The following ZBTB20 variants were observed in gnomAD, a reference collection of about 807,000 sequenced individuals.
ZBTB20 encodes zinc finger and BTB domain-containing protein 20.
Under a neutral mutation model 56.9 loss-of-function variants are expected in ZBTB20, and 9 were observed. The observed-to-expected ratio is 0.16, with a 90% CI of 0.10 to 0.28. ZBTB20 has a LOEUF of 0.28. ZBTB20 is among the 10% of genes least tolerant of loss of function. The pLI, the probability that ZBTB20 is intolerant of heterozygous loss-of-function variation, is 1.00. For synonymous variants in ZBTB20, 417 were observed against 420.7 expected (o/e 0.99, Z 0.11); for missense variants, 655 against 1,003.0 (o/e 0.65, Z 4.69).
intron 7 of ZBTB20, among the ~76,000 whole-genome samples, chr3:114,495,957 T>A (rs539108871): frequency 6.6e-6 from 1 of 152,216 alleles, no homozygotes; most frequent in Non-Finnish European, 1.5e-5. Context: ...GCACCTTTAA[T>A]GTAATTTCCT....
At chr3:114,544,497 C>CA (rs2049602488) in intron 6 of ZBTB20, among the ~76,000 whole-genome samples, 19 of 94,390 alleles carry the variant, frequency 2.0e-4, no homozygotes, top group South Asian at 3.8e-4. Context: ...CACTTTCTTT[C>CA]TTTTCTTTCT....
intron 5 of ZBTB20, among the ~76,000 whole-genome samples, chr3:114,761,350 C>G (rs911285770): frequency 6.6e-6 from 1 of 152,032 alleles, no homozygotes; most frequent in Non-Finnish European, 1.5e-5. Flanking sequence ...TTAATTCCCA[C>G]AGTAACATTA....
intron 5 of ZBTB20, among the ~76,000 whole-genome samples, chr3:114,720,304 G>A (rs946778874): frequency 1.3e-5 from 2 of 150,714 alleles, no homozygotes; most frequent in East Asian, 1.9e-4. Context: ...ATGACACCTC[G>A]TACTTGTAAA....
intron 2 of ZBTB20, among the ~76,000 whole-genome samples, chr3:115,018,666 G>A (rs1303275554): frequency 8.6e-5 from 13 of 151,268 alleles, no homozygotes. Context: ...AAGAAACAGA[G>A]CTCACCTTAA....
At chr3:114,730,212 G>A (rs917286454) in intron 5 of ZBTB20, among the ~76,000 whole-genome samples, 10 of 151,992 alleles carry the variant, frequency 6.6e-5, no homozygotes, top group Non-Finnish European at 1.2e-4. Flanking sequence ...TTTTGTGTGT[G>A]TGTGTGTGTG....
intron 1 of ZBTB20, among the ~76,000 whole-genome samples, chr3:115,120,218 A>G (rs183035159): frequency 2.4e-3 from 373 of 152,274 alleles, no homozygotes; most frequent in African/African-American, 8.5e-3. Context: ...ATCAATTGTA[A>G]CAAATGTACC....
chr3:114,370,578 C>A (rs913667870), intron 10 of ZBTB20, among the ~76,000 whole-genome samples: 1 of 152,020 alleles, frequency 6.6e-6, no homozygotes, highest in African/African-American at 2.4e-5. Flanking sequence ...TTTATTCATT[C>A]TTCATTCTCT....
At chr3:115,107,262 A>G (rs1283005393) in intron 1 of ZBTB20, among the ~76,000 whole-genome samples, 1 of 152,008 alleles carries the variant, frequency 6.6e-6, no homozygotes, top group Non-Finnish European at 1.5e-5. Flanking sequence ...CCGCATGTCT[A>G]TAAAAAAATC....
intron 1 of ZBTB20, among the ~76,000 whole-genome samples, chr3:115,099,410 C>T (rs1454512237): frequency 6.6e-6 from 1 of 152,154 alleles, no homozygotes; most frequent in African/African-American, 2.4e-5. Flanking sequence ...AGAAAGTTCG[C>T]ATTCTTACTA....
intron 6 of ZBTB20, among the ~76,000 whole-genome samples, chr3:114,610,123 T>C (rs974484391): frequency 6.6e-6 from 1 of 152,040 alleles, no homozygotes; most frequent in Non-Finnish European, 1.5e-5. Context: ...AGCAAGAACA[T>C]GGTTTTGACC....
chr3:114,798,322 T>C (rs1049310197), intron 5 of ZBTB20, among the ~76,000 whole-genome samples: 7 of 129,738 alleles, frequency 5.4e-5, no homozygotes, highest in Non-Finnish European at 1.1e-4. Flanking sequence ...GGCATGATAC[T>C]AGGAACAAAA....
At position 114,350,924 on chromosome 3, in the gene ZBTB20, G is replaced by A; in HGVS notation, c.1154C>T (p.Thr385Ile). The stretch of plus-strand genomic sequence containing the variant: ...CTGCTGCTCCACCGAGTCAGGCTCG[G>A]TGCCTATGGAGGAGCTGACGCCCGA... The part of the protein sequence containing the change: ...FDSGVSSSIG[T>I]EPDSVEQQFG... Residue 385 changes from threonine to isoleucine, a missense_variant, in exon 11 of 12, where the codon ACC (threonine) becomes ATC (isoleucine). This residue lies in a region of ZBTB20 where 156 missense variants were observed against 181.0 expected (regional missense o/e 0.86). Transcript: ENST00000675478. The A allele has an allele frequency of 6.2e-7, 1 of 1,606,036 alleles. No individual in the cohort carries two copies. Among genetic ancestry groups the A allele is most frequent in the Non-Finnish European group, 8.5e-7 (1 of 1,179,916 alleles).
At chr3:114,879,209 C>A (rs540855649) in intron 4 of ZBTB20, among the ~76,000 whole-genome samples, 4 of 152,118 alleles carry the variant, frequency 2.6e-5, no homozygotes, top group Non-Finnish European at 5.9e-5. Context: ...TAATTTGGAA[C>A]CTTTAGCAGC....
intron 7 of ZBTB20, among the ~76,000 whole-genome samples, chr3:114,469,281 T>C (rs562210981): frequency 6.6e-6 from 1 of 152,160 alleles, no homozygotes; most frequent in African/African-American, 2.4e-5. Context: ...AGGAATGTAA[T>C]GTGGAGAGAC....
chr3:115,053,660 C>T (rs1227455801), intron 2 of ZBTB20, among the ~76,000 whole-genome samples: 1 of 152,108 alleles, frequency 6.6e-6, no homozygotes, highest in Admixed American at 6.5e-5. Context: ...TTCATCCCAA[C>T]TTTCATTAGA....
At chr3:114,458,367 A>C (rs1329650129) in intron 7 of ZBTB20, among the ~76,000 whole-genome samples, 1 of 152,174 alleles carries the variant, frequency 6.6e-6, no homozygotes, top group African/African-American at 2.4e-5. Flanking sequence ...TTTTTTCTAA[A>C]TGATCAGTGT....
chr3:114,712,366 T>C (rs977390469), intron 5 of ZBTB20, among the ~76,000 whole-genome samples: 1 of 152,058 alleles, frequency 6.6e-6, no homozygotes, highest in Non-Finnish European at 1.5e-5. Context: ...AAAAAAGAGT[T>C]CAGGCCGGGC....
chr3:114,516,830 T>G (rs1381853297), intron 6 of ZBTB20, among the ~76,000 whole-genome samples: 1 of 151,702 alleles, frequency 6.6e-6, no homozygotes, highest in African/African-American at 2.4e-5. Flanking sequence ...TGGGTGGGAG[T>G]CACGGAACTC....
chr3:114,668,788 A>T (rs1176731153), intron 6 of ZBTB20, among the ~76,000 whole-genome samples: 1 of 152,100 alleles, frequency 6.6e-6, no homozygotes, highest in Non-Finnish European at 1.5e-5. Context: ...TAAAATATAC[A>T]TCTATGCAGA....
Sources: allele counts gnomAD v4.1 joint callset (sites outside exome capture counted in the v4.1 genomes callset), GRCh38; gene constraint gnomAD v4.1.1; regional missense constraint gnomAD v4.1.1; transcripts MANE v1.5; gene names NCBI Gene and HGNC (gene_info 2026-07-23, HGNC 2026-07-21).